SLC5A9: variants seen among roughly 807,000 people sequenced by gnomAD.
The protein encoded by SLC5A9 is sodium/glucose cotransporter 4.
Under a neutral mutation model 70.9 loss-of-function variants are expected in SLC5A9, and 59 were observed. The ratio of observed to expected loss-of-function variants is 0.83; its 90% CI spans 0.68 to 1.03. The LOEUF (loss-of-function observed/expected upper bound fraction) is 1.03. Ranked by LOEUF, SLC5A9 falls within the 50% of genes least tolerant of loss-of-function variation. SLC5A9 has a pLI of 0.00. For missense variants in SLC5A9, 832 were observed against 881.1 expected, an observed-to-expected ratio of 0.94 and a Z score of 0.71; for synonymous variants, 340 against 346.5, an observed-to-expected ratio of 0.98 and a Z score of 0.21.
intron 9 of SLC5A9, 49 bp downstream of exon 9, chr1:48,233,811 T>A (rs775567764): frequency 7.4e-7 from 1 of 1,354,032 alleles, no homozygotes; most frequent in Admixed American, 1.8e-5. Flanking sequence ...TCCAGCCTCC[T>A]CCAATCTCCA....
intron 11 of SLC5A9, 127 bp downstream of exon 11, chr1:48,237,974 C>A: frequency 1.1e-6 from 1 of 951,064 alleles, no homozygotes; most frequent in Non-Finnish European, 1.5e-6. Context: ...CTGACCACAG[C>A]ATCCAGCCTA....
rs535917670 is a variant in SLC5A9, at chr1:48,223,021, G to A, written c.162+123G>A. 19 of 1,011,376 alleles carry A rather than the reference G, an allele frequency of 1.9e-5. No homozygotes were observed. The East Asian group carries it at 3.6e-4, about 19-fold the overall frequency. 62.7% of individuals were successfully genotyped at this position (1,011,376 alleles called of 1,614,324 possible). A position where few individuals can be genotyped will look rare whatever the true frequency, so the allele number is the denominator to read the frequency against. ...GCAGATCATAGAACCATGTGGCTGA[G>A]AAGGAAGGGCCTTCAGGAATCAGGC... On this transcript the variant is annotated intron_variant, in intron 1 of 13. Transcript: ENST00000438567.
Position 48,227,176 on chromosome 1 carries a change from C to CGT in SLC5A9, c.235-1663_235-1662dup, listed in dbSNP as rs373061150. ...GAGTGTGTGTGTCAGAGTGTGTGTG[C>CGT]GTGTGTGTGTGTACTGTGCCTGTGT... On this transcript the variant is annotated intron_variant, in intron 2 of 13. Coordinates refer to ENST00000438567, the MANE Select transcript of SLC5A9 (RefSeq NM_001011547.3). Among the ~76,000 whole-genome samples the CGT allele has an allele frequency of 2.9e-4, 26 of 89,994 alleles. 1 individual carries two copies. Among genetic ancestry groups the CGT allele is most frequent in the Admixed American group, 5.2e-4 (4 of 7,656 alleles). The allele number at this position is 89,994 out of a possible 152,430, so 59.0% of individuals were successfully genotyped here.
rs891680875 is a variant in SLC5A9 at position 48,248,530 on chromosome 1, C to G, written c.*987C>G. ...GCCTTGACCTGCTTCTGTCACAGCA[C>G]TGATCACACTGAGATGGAAGACTCC... On this transcript the variant is annotated 3_prime_UTR_variant, in exon 14 of 14. Coordinates refer to ENST00000438567, the MANE Select transcript of SLC5A9 (RefSeq NM_001011547.3). 6 of 152,370 alleles carry G rather than the reference C, an allele frequency of 3.9e-5. No individual in the cohort carries two copies. The highest frequency in any genetic ancestry group is 2.6e-4 in the Admixed American group (4 of 15,290). The allele number at this position is 152,370 out of a possible 1,614,324, so 9.4% of individuals were successfully genotyped here.
intron 11 of SLC5A9, 64 bp downstream of exon 11, chr1:48,237,911 C>T (rs920801753): frequency 6.5e-7 from 1 of 1,541,726 alleles, no homozygotes; most frequent in Admixed American, 1.9e-5. Flanking sequence ...CTGTCAATCA[C>T]CTGGTCTCTG....
chr1:48,223,184 G>T (rs1391080297), intron 1 of SLC5A9, among the ~76,000 whole-genome samples: 1 of 152,018 alleles, frequency 6.6e-6, no homozygotes, highest in Non-Finnish European at 1.5e-5. Context: ...ACCATCCCTG[G>T]TTGCCCTGAG....
In SLC5A9 at chr1:48,235,601, C is replaced by T. The variant is rs566587645; in HGVS notation, c.1142-128C>T. On this transcript the variant is annotated intron_variant, in intron 9 of 13. Transcript: ENST00000438567. ...TATCTGTGCTGGATGGGAGCCTCATCCAACCCCTTCCCTCTCTCATCCCCA... is the reference window on the plus strand; with the variant it reads ...TATCTGTGCTGGATGGGAGCCTCATTCAACCCCTTCCCTCTCTCATCCCCA... 37 of 1,109,818 alleles carry T rather than the reference C, an allele frequency of 3.3e-5. 1 individual carries two copies. The South Asian group carries it at 5.3e-4, about 16-fold the overall frequency. The allele number at this position is 1,109,818 out of a possible 1,614,324, so 68.7% of individuals were successfully genotyped here.
chr1:48,227,793 T>G (rs1644185928), intron 2 of SLC5A9: 1 of 152,346 alleles, frequency 6.6e-6, no homozygotes, highest in South Asian at 2.1e-4. Flanking sequence ...GCTTTTCCTC[T>G]CCTCTCACTT....
chr1:48,244,870 G>A (rs28637099), intron 13 of SLC5A9, among the ~76,000 whole-genome samples: 2,525 of 10,934 alleles, frequency 0.23, 314 homozygotes, highest in Non-Finnish European at 0.29. Flanking sequence ...GTGTATGTAT[G>A]TGTATGTGTA....
intron 5 of SLC5A9, among the ~76,000 whole-genome samples, chr1:48,230,922 CA>C (rs1314820908): frequency 1.3e-5 from 2 of 151,968 alleles, no homozygotes; most frequent in Non-Finnish European, 2.9e-5. Flanking sequence ...GGACAGAGAC[CA>C]GGGGGATAAA....
intron 9 of SLC5A9, among the ~76,000 whole-genome samples, chr1:48,234,243 A>T (rs1644296802): frequency 6.6e-6 from 1 of 152,186 alleles, no homozygotes. Context: ...CAGGGTGAAG[A>T]GAGGGCAGGA....
At chr1:48,235,477 G>T (rs1336054271) in intron 9 of SLC5A9, among the ~76,000 whole-genome samples, 3 of 152,146 alleles carry the variant, frequency 2.0e-5, no homozygotes, top group Admixed American at 6.5e-5. Context: ...GGCTTAGGGT[G>T]GGGGGTGGAG....
intron 1 of SLC5A9, among the ~76,000 whole-genome samples, chr1:48,223,126 G>T (rs544815187): frequency 6.6e-6 from 1 of 152,018 alleles, no homozygotes; most frequent in Non-Finnish European, 1.5e-5. Flanking sequence ...GGCAGACCAG[G>T]CCCCCGACTC....
chr1:48,235,880 G>C lies in SLC5A9; in HGVS notation c.1292+1G>C. The C allele has an allele frequency of 6.2e-7, 1 of 1,614,140 alleles. No individual in the cohort carries two copies. The highest frequency in any genetic ancestry group is 1.1e-5 in the South Asian group (1 of 91,082). The stretch of plus-strand genomic sequence containing the variant: ...AGCAGGAGCTGATGGTGGTGGGCAG[G>C]TGCGCCGGCCCCTCCTTCCCTCCTT... On this transcript the variant is annotated splice_donor_variant, in intron 10 of 13. Transcript: ENST00000438567. LOFTEE classifies it high-confidence loss of function.
intron 9 of SLC5A9, among the ~76,000 whole-genome samples, chr1:48,234,561 T>G (rs1190985548): frequency 1.3e-5 from 2 of 151,972 alleles, no homozygotes; most frequent in African/African-American, 4.8e-5. Context: ...GTTTGTGAGG[T>G]TGAATTGACA....
In SLC5A9 at chr1:48,242,625, C is replaced by T. The variant is rs575559242; in HGVS notation, c.1837+9C>T. 24 of 1,602,252 alleles carry T rather than the reference C, an allele frequency of 1.5e-5. No individual in the cohort carries two copies. In the East Asian group the frequency reaches 1.6e-4, roughly 10 times the overall value. ...CCAGGAGCAGCCTGAAGGTAGGCTGCGGCAGGCCGGGGGATACTCATCACA... is the reference window on the plus strand; with the variant it reads ...CCAGGAGCAGCCTGAAGGTAGGCTGTGGCAGGCCGGGGGATACTCATCACA... On this transcript the variant is annotated intron_variant, in intron 13 of 13. Coordinates refer to ENST00000438567, the MANE Select transcript of SLC5A9 (RefSeq NM_001011547.3).
rs1390552128 is a variant in SLC5A9 at position 48,248,631 on chromosome 1, T to G, written c.*1088T>G. The G allele has an allele frequency of 1.3e-5, 2 of 152,282 alleles. No individual in the cohort carries two copies. The highest frequency in any genetic ancestry group is 4.8e-5 in the African/African-American group (2 of 41,466). The allele number at this position is 152,282 out of a possible 1,614,324, so 9.4% of individuals were successfully genotyped here. A position where few individuals can be genotyped will look rare whatever the true frequency, so the allele number is the denominator to read the frequency against. The stretch of plus-strand genomic sequence containing the variant: ...TAACAGCTGTTCAATAAATGTGTAT[T>G]GAGTTAATTAGTTCTCCATGGTCCT... On this transcript the variant is annotated 3_prime_UTR_variant, in exon 14 of 14. Coordinates refer to ENST00000438567, the MANE Select transcript of SLC5A9 (RefSeq NM_001011547.3).
chr1:48,228,753 C>T, intron 2 of SLC5A9, 97 bp from the exon 3 acceptor site: 4 of 1,560,084 alleles, frequency 2.6e-6, no homozygotes, highest in Non-Finnish European at 3.5e-6. Flanking sequence ...ACAGTGGGTA[C>T]CCAACAAATA....
chr1:48,240,206 G>A (rs1027029944), intron 12 of SLC5A9, among the ~76,000 whole-genome samples: 25 of 152,150 alleles, frequency 1.6e-4, no homozygotes, highest in Non-Finnish European at 2.8e-4. Context: ...TGCAGCATTG[G>A]TTTCTTCCAA....
Sources: allele counts gnomAD v4.1 joint callset (sites outside exome capture counted in the v4.1 genomes callset), GRCh38; gene constraint gnomAD v4.1.1; transcripts MANE v1.5; gene names NCBI Gene and HGNC (gene_info 2026-07-23, HGNC 2026-07-21).